The following PALM2AKAP2 variants were observed in gnomAD, a reference collection of about 807,000 sequenced individuals.
The protein encoded by PALM2AKAP2 is PALM2-AKAP2 fusion protein.
PALM2AKAP2 carries 37 observed loss-of-function variants against 71.5 expected under a neutral mutation model. The observed-to-expected ratio is 0.52, with a 90% CI of 0.40 to 0.68. The LOEUF (loss-of-function observed/expected upper bound fraction) is 0.68, where lower values mean the gene tolerates loss of function less well. Among genes scored for constraint, PALM2AKAP2 ranks in the 30% least tolerant of loss-of-function variants. PALM2AKAP2 has a pLI of 0.00. For missense variants in PALM2AKAP2, 1,224 were observed against 1,191.8 expected (o/e 1.03, Z -0.40); for synonymous variants, 468 against 478.8 (o/e 0.98, Z 0.29).
In PALM2AKAP2 at chr9:109,741,622, G is replaced by C. The variant is rs530777094; in HGVS notation, c.6-38866G>C. The stretch of plus-strand genomic sequence containing the variant: ...TGTTCCACATGTTCACTGACATTTG[G>C]TTATGTCTGGTGGGTTTGTTTGTTT... On this transcript the variant is annotated intron_variant, in intron 1 of 6. Coordinates refer to the PALM2AKAP2 transcript ENST00000374531. 2.6e-5 allele frequency among the ~76,000 whole-genome samples: 4 copies of C among 152,292 alleles called. No homozygotes were observed. The East Asian group carries it at 7.7e-4, about 29-fold the overall frequency.
intron 1 of PALM2AKAP2, among the ~76,000 whole-genome samples, chr9:109,667,474 C>G (rs1324905150): frequency 6.6e-6 from 1 of 152,136 alleles, no homozygotes; most frequent in Admixed American, 6.5e-5. Context: ...ACGAAGGAAA[C>G]AAACAAGCAA....
chr9:110,125,465 A>AT, intron 1 of PALM2AKAP2: 1 of 980,636 alleles, frequency 1.0e-6, no homozygotes, highest in African/African-American at 1.8e-5. Flanking sequence ...GGGAGGGCCC[A>AT]CGGTGACATC....
intron 6 of PALM2AKAP2, among the ~76,000 whole-genome samples, chr9:109,959,663 A>AT (rs1831818770): frequency 6.6e-6 from 1 of 150,940 alleles, no homozygotes; most frequent in African/African-American, 2.4e-5. Flanking sequence ...AAAAAAAAAA[A>AT]TCCTAATATT....
intron 1 of PALM2AKAP2, among the ~76,000 whole-genome samples, chr9:109,859,227 A>G (rs1309077993): frequency 1.3e-5 from 2 of 152,208 alleles, no homozygotes; most frequent in South Asian, 2.1e-4. Flanking sequence ...TTACAAATGA[A>G]ACATGAAGGT....
At chr9:109,998,909 G>A (rs571178711) in intron 6 of PALM2AKAP2, among the ~76,000 whole-genome samples, 3 of 152,282 alleles carry the variant, frequency 2.0e-5, no homozygotes, top group East Asian at 1.9e-4. Flanking sequence ...TGATGGGAGA[G>A]TAGCTTAGGC....
At chr9:110,059,063 G>A (rs374494121) in intron 1 of PALM2AKAP2, among the ~76,000 whole-genome samples, 14 of 151,958 alleles carry the variant, frequency 9.2e-5, no homozygotes, top group African/African-American at 3.1e-4. Context: ...CCACGCCCAC[G>A]TAATTTTTGT....
In PALM2AKAP2 at chr9:109,991,259, CAG is replaced by C. The variant is rs771613484; in HGVS notation, c.497-24692_497-24691del. Among the ~76,000 whole-genome samples the C allele has an allele frequency of 2.5e-4, 38 of 150,608 alleles. No homozygotes were observed. In the East Asian group the frequency reaches 6.2e-3, roughly 25 times the overall value. ...TTTTTTTTTTCTTTTTTTTTTAAGA[CAG>C]AGTCTCCCTCTGTCACTCAGGCTGG... On this transcript the variant is annotated intron_variant, in intron 6 of 9. Transcript: ENST00000302798.
At chr9:109,870,997 T>C (rs1210580614) in intron 2 of PALM2AKAP2, among the ~76,000 whole-genome samples, 4 of 152,264 alleles carry the variant, frequency 2.6e-5, no homozygotes, top group Non-Finnish European at 4.4e-5. Context: ...ATATTCTTTA[T>C]ATAATTCTCA....
chr9:109,692,002 C>G (rs1827904505), intron 1 of PALM2AKAP2, among the ~76,000 whole-genome samples: 1 of 143,684 alleles, frequency 7.0e-6, no homozygotes, highest in Non-Finnish European at 1.5e-5. Context: ...TTCAGTAATG[C>G]TTTTAATCAT....
chr9:109,642,304 G>T (rs967681931), intron 1 of PALM2AKAP2, among the ~76,000 whole-genome samples: 18 of 151,596 alleles, frequency 1.2e-4, no homozygotes, highest in Middle Eastern at 3.2e-3. Flanking sequence ...ACTATTTCAT[G>T]TACTTTTTGT....
intron 1 of PALM2AKAP2, among the ~76,000 whole-genome samples, chr9:109,781,348 A>G (rs994846330): frequency 2.6e-5 from 4 of 152,178 alleles, no homozygotes; most frequent in Admixed American, 2.6e-4. Context: ...TGGATTATAT[A>G]TTTCCTTCGA....
rs1259060819 is a variant in PALM2AKAP2 at position 109,888,971 on chromosome 9, C to CA, written c.257+8294dup. On this transcript the variant is annotated intron_variant, in intron 3 of 9. Coordinates refer to the PALM2AKAP2 transcript ENST00000302798. Reference sequence around the variant, plus strand: ...CATTGCTGAATGTTGCCTTGGGGGACAAAATCTCTCCAAGTTGAGAACTAC... The same window carrying CA: ...CATTGCTGAATGTTGCCTTGGGGGACAAAAATCTCTCCAAGTTGAGAACTAC... Among the ~76,000 whole-genome samples, 8 of 152,206 alleles carry CA rather than the reference C, an allele frequency of 5.3e-5. No individual in the cohort carries two copies. The East Asian group carries it at 7.7e-4, about 15-fold the overall frequency.
chr9:109,834,133 A>G (rs1019906151), intron 1 of PALM2AKAP2, among the ~76,000 whole-genome samples: 1 of 152,246 alleles, frequency 6.6e-6, no homozygotes, highest in African/African-American at 2.4e-5. Context: ...GAATCGCTTG[A>G]ACCTGGGAGG....
chr9:109,703,449 T>A (rs1828094800), intron 1 of PALM2AKAP2, among the ~76,000 whole-genome samples: 1 of 152,180 alleles, frequency 6.6e-6, no homozygotes, highest in Admixed American at 6.5e-5. Context: ...TGGCAATATG[T>A]TTTTATGATA....
At chr9:110,050,630 T>TTTTCTTTTC (rs1564279279) in intron 1 of PALM2AKAP2, among the ~76,000 whole-genome samples, 33 of 150,706 alleles carry the variant, frequency 2.2e-4, no homozygotes, top group African/African-American at 7.7e-4. Flanking sequence ...CTTTTCTTTT[T>TTTTCTTTTC]TTTTCTTTTC....
At chr9:110,035,475 T>C (rs1833378214) in intron 7 of PALM2AKAP2, among the ~76,000 whole-genome samples, 1 of 144,482 alleles carries the variant, frequency 6.9e-6, no homozygotes, top group African/African-American at 2.6e-5. Context: ...ATATATGATA[T>C]GTTGTGTGTT....
intron 6 of PALM2AKAP2, among the ~76,000 whole-genome samples, chr9:110,003,207 G>A (rs577789217): frequency 2.0e-5 from 3 of 152,094 alleles, no homozygotes; most frequent in Admixed American, 6.5e-5. Flanking sequence ...CTTTGAATGT[G>A]TCCCAGAGAT....
chr9:109,939,405 T>A (rs1335907466), intron 6 of PALM2AKAP2, among the ~76,000 whole-genome samples: 1 of 152,234 alleles, frequency 6.6e-6, no homozygotes, highest in Non-Finnish European at 1.5e-5. Flanking sequence ...AACATCCCCA[T>A]GTTAATAATT....
intron 3 of PALM2AKAP2, among the ~76,000 whole-genome samples, chr9:110,161,489 A>G (rs898967430): frequency 6.6e-6 from 1 of 152,154 alleles, no homozygotes; most frequent in Admixed American, 6.6e-5. Context: ...ATAATCCTAT[A>G]TAATCACCAG....
Sources: gnomAD v4.1 joint callset for allele counts (sites outside exome capture counted in the v4.1 genomes callset) on GRCh38, gnomAD v4.1.1 for gene constraint, MANE v1.5 for transcripts, NCBI Gene and HGNC (gene_info 2026-07-23, HGNC 2026-07-21) for gene names.